YTHDC2: variants seen among roughly 807,000 people sequenced by gnomAD.
YTHDC2 encodes the protein YTH N6-methyladenosine RNA binding protein C2, also known as 3'-5' RNA helicase YTHDC2.
In YTHDC2, 45 loss-of-function variants were observed where a neutral mutation model predicts 174.9. The observed-to-expected ratio is 0.26, with a 90% CI of 0.20 to 0.33. The LOEUF (loss-of-function observed/expected upper bound fraction) is 0.33. Ranked by LOEUF, YTHDC2 falls within the 10% of genes least tolerant of loss-of-function variation. The probability of loss-of-function intolerance (pLI) is 1.00; values close to 1 mark genes in which losing one functional copy is unlikely to be tolerated. For synonymous variants in YTHDC2, 657 were observed against 574.5 expected, an observed-to-expected ratio of 1.14 and a Z score of -2.05; for missense variants, 1,650 against 1,723.7, an observed-to-expected ratio of 0.96 and a Z score of 0.76.
intron 2 of YTHDC2, among the ~76,000 whole-genome samples, chr5:113,516,630 T>C (rs1205537366): frequency 6.6e-6 from 1 of 152,168 alleles, no homozygotes; most frequent in Non-Finnish European, 1.5e-5. Flanking sequence ...CAGAGATGCT[T>C]CTAGAGGTTG....
At chr5:113,530,639 GATAT>G (rs1774591601) in intron 4 of YTHDC2, among the ~76,000 whole-genome samples, 1 of 151,788 alleles carries the variant, frequency 6.6e-6, no homozygotes. Context: ...ACACACATAA[GATAT>G]ATACATAATC....
chr5:113,518,556 CGTGTGTGTGTGTGT>C (rs67062871), intron 2 of YTHDC2, among the ~76,000 whole-genome samples: 2,975 of 144,550 alleles, frequency 0.021, 60 homozygotes, highest in African/African-American at 0.05. Context: ...AGTTAGTTTT[CGTGTGTGTGTGTGT>C]GTGTGTGTGT....
At chr5:113,591,818 C>A (rs954967535) in intron 27 of YTHDC2, among the ~76,000 whole-genome samples, 178 bp from the exon 28 acceptor site, 1 of 151,878 alleles carries the variant, frequency 6.6e-6, no homozygotes, top group Non-Finnish European at 1.5e-5. Flanking sequence ...CTAAAATTTG[C>A]TAAGAGAGCT....
chr5:113,566,723 C>G (rs1310456123), intron 21 of YTHDC2, among the ~76,000 whole-genome samples: 1 of 152,020 alleles, frequency 6.6e-6, no homozygotes, highest in Non-Finnish European at 1.5e-5. Flanking sequence ...CTATCATAAC[C>G]AAAATGTTGT....
At position 113,567,695 on chromosome 5, in the gene YTHDC2, G is replaced by A; in HGVS notation, c.3090G>A (p.Leu1030=). 6.2e-7 allele frequency: 1 copy of A among 1,607,422 alleles called. No homozygotes were observed. The highest frequency in any genetic ancestry group is 8.5e-7 in the Non-Finnish European group (1 of 1,177,360). The change falls in exon 23 of 30, where the codon CTG becomes CTA. Residue 1030 remains leucine, a synonymous_variant. Transcript: ENST00000161863. ...GTCAAGCTGCAGCAATTAAGGCACTGCCCACAGATTGGCTTATTTATGATG... is the reference window on the plus strand; with the variant it reads ...GTCAAGCTGCAGCAATTAAGGCACTACCCACAGATTGGCTTATTTATGATG... ...ANGQAAAIKA[L]PTDWLIYDEM...
intron 26 of YTHDC2, among the ~76,000 whole-genome samples, chr5:113,589,406 A>ATATATAT (rs1350140447): frequency 1.3e-4 from 14 of 111,180 alleles, no homozygotes; most frequent in Admixed American, 2.5e-4. Flanking sequence ...AAAAAAAAAA[A>ATATATAT]AAATATATAT....
At chr5:113,575,082 T>C (rs1393704108) in intron 23 of YTHDC2, among the ~76,000 whole-genome samples, 1 of 152,214 alleles carries the variant, frequency 6.6e-6, no homozygotes, top group Non-Finnish European at 1.5e-5. Flanking sequence ...TATGTCCGAA[T>C]GTGAGAACCT....
Position 113,514,381 on chromosome 5 carries a change from A to C in YTHDC2, c.187+299A>C, listed in dbSNP as rs1241235959. ...GGGCGGTTAAGCCACCGTGTTTCAG[A>C]TATTGGTTAGCCCTAACCCTTTTTA... On this transcript the variant is annotated intron_variant, in intron 1 of 29. Coordinates refer to ENST00000161863, the MANE Select transcript of YTHDC2 (RefSeq NM_022828.5). 3 of 618,580 alleles carry C rather than the reference A, an allele frequency of 4.8e-6. No individual in the cohort carries two copies. The East Asian group carries it at 1.0e-4, about 21-fold the overall frequency. 38.3% of individuals were successfully genotyped at this position (618,580 alleles called of 1,614,324 possible).
rs1366515916 is a variant in YTHDC2 at position 113,549,094 on chromosome 5, A to T, written c.1688+74A>T. ...AGCTTCACCATATAAATTATGGGCT[A>T]TTCAAATGTAGACCATTTATAGTCT... On this transcript the variant is annotated intron_variant, in intron 12 of 29. Transcript: ENST00000161863. The T allele has an allele frequency of 3.1e-6, 4 of 1,287,234 alleles. No individual in the cohort carries two copies. The African/African-American group carries it at 6.1e-5, about 20-fold the overall frequency. 79.7% of individuals were successfully genotyped at this position (1,287,234 alleles called of 1,614,324 possible). A position where few individuals can be genotyped will look rare whatever the true frequency, so the allele number is the denominator to read the frequency against.
intron 17 of YTHDC2, among the ~76,000 whole-genome samples, chr5:113,560,425 A>G (rs1451069332): frequency 6.6e-6 from 1 of 152,170 alleles, no homozygotes; most frequent in Non-Finnish European, 1.5e-5. Flanking sequence ...GATGAAGGAA[A>G]GAGTTGATCA....
chr5:113,592,114 T>G lies in YTHDC2; in HGVS notation c.4148T>G (p.Phe1383Cys), dbSNP rs753429607. The G allele has an allele frequency of 3.1e-6, 5 of 1,613,102 alleles. No homozygotes were observed. The highest frequency in any genetic ancestry group is 3.3e-5 in the Admixed American group (2 of 59,872). ...WIRKESLPFQFAHHLLNPWND... is the reference protein window; with the variant it reads ...WIRKESLPFQCAHHLLNPWND... The stretch of plus-strand genomic sequence containing the variant: ...CGAAAAGAAAGCCTTCCCTTTCAAT[T>G]TGCACACCATTTACTCAATCCATGG... The change falls in exon 28 of 30, where the codon TTT becomes TGT. Residue 1383 changes from phenylalanine (F) to cysteine (C), a missense_variant. Transcript: ENST00000161863.
At chr5:113,567,322 G>A (rs1777403230) in intron 22 of YTHDC2, 25 bp downstream of exon 22, 2 of 1,571,700 alleles carry the variant, frequency 1.3e-6, no homozygotes, top group Middle Eastern at 1.9e-4. Flanking sequence ...ATGCTGTTGG[G>A]TTTTGAGGTG....
At chr5:113,558,214 T>G (rs1450629454) in intron 17 of YTHDC2, among the ~76,000 whole-genome samples, 2 of 152,148 alleles carry the variant, frequency 1.3e-5, no homozygotes, top group Non-Finnish European at 2.9e-5. Context: ...GAGCTGAAAG[T>G]TGGGGACAAG....
intron 11 of YTHDC2, 93 bp from the exon 12 acceptor site, chr5:113,548,862 T>C: frequency 7.9e-7 from 1 of 1,273,678 alleles, no homozygotes; most frequent in Non-Finnish European, 1.1e-6. Flanking sequence ...TAAAAATTTT[T>C]TTGAAAAGAC....
At chr5:113,573,941 C>G (rs1416467492) in intron 23 of YTHDC2, among the ~76,000 whole-genome samples, 3 of 152,190 alleles carry the variant, frequency 2.0e-5, no homozygotes, top group African/African-American at 7.2e-5. Context: ...TTATTACCCA[C>G]CTTCTGAAGC....
At position 113,535,761 on chromosome 5, in the gene YTHDC2, C is replaced by G. The variant is rs77052070; in HGVS notation, c.1065C>G (p.Leu355=). 3,743 of 1,612,158 alleles carry G rather than the reference C, an allele frequency of 2.3e-3. 91 individuals are homozygous for G. The African/African-American group carries it at 0.045, about 19-fold the overall frequency. ...CTAGTGCTGCCTTGGATGTAAATCT[C>G]TTTATAAGATATTTTGGAAGTTGTC... ...ILSSAALDVN[L]FIRYFGSCPV... is the part of the protein sequence containing the mutation. The change falls in exon 7 of 30, where the codon CTC becomes CTG. Residue 355 remains leucine, a synonymous_variant. Transcript: ENST00000161863.
chr5:113,523,042 A>G (rs1773986569), intron 2 of YTHDC2, among the ~76,000 whole-genome samples: 1 of 152,046 alleles, frequency 6.6e-6, no homozygotes, highest in Non-Finnish European at 1.5e-5. Flanking sequence ...CTAACTTATT[A>G]TTTCAGTTGT....
At chr5:113,585,527 A>G (rs1490566980) in intron 26 of YTHDC2, among the ~76,000 whole-genome samples, 2 of 152,026 alleles carry the variant, frequency 1.3e-5, no homozygotes, top group Admixed American at 6.6e-5. Flanking sequence ...TTTAAACTGT[A>G]TAATTTAATG....
intron 10 of YTHDC2, among the ~76,000 whole-genome samples, chr5:113,545,577 CTCT>C (rs1775812372): frequency 6.6e-6 from 1 of 151,970 alleles, no homozygotes; most frequent in Non-Finnish European, 1.5e-5. Flanking sequence ...AAACCTGTTT[CTCT>C]TCTTTTGTTG....
Sources: allele counts gnomAD v4.1 joint callset (sites outside exome capture counted in the v4.1 genomes callset), GRCh38; gene constraint gnomAD v4.1.1; transcripts MANE v1.5; gene names NCBI Gene and HGNC (gene_info 2026-07-23, HGNC 2026-07-21).